PMM2: variants seen among roughly 807,000 people sequenced by gnomAD.
The protein encoded by PMM2 is mannose-6-phosphate isomerase.
In PMM2, 35 loss-of-function variants were observed where a neutral mutation model predicts 33.2. That is an observed-to-expected ratio of 1.06 (90% CI 0.81 to 1.40). The LOEUF is 1.40. Ranked by LOEUF, PMM2 falls within the 40% of genes most tolerant of loss-of-function variation. The pLI is 0.00. For missense variants in PMM2, 386 were observed against 306.0 expected, an observed-to-expected ratio of 1.26 and a Z score of -1.95; for synonymous variants, 153 against 114.7, an observed-to-expected ratio of 1.33 and a Z score of -2.13.
intron 7 of PMM2, chr16:8,833,075 G>A (rs113888412): frequency 0.28 from 58,877 of 212,482 alleles, 8,548 homozygotes; most frequent in African/African-American, 0.34. Flanking sequence ...ACCACCAAAC[G>A]GGCTTTGTGT....
chr16:8,848,821 C>T lies in PMM2; in HGVS notation c.*996C>T, dbSNP rs549926423. On this transcript the variant is annotated 3_prime_UTR_variant, in exon 8 of 8. Transcript: ENST00000268261. ...ACCCAGGCCTTCACCCAGACTTTAC[C>T]ACGGAGGCGGCTGAGTGCAGCTACA... The T allele has an allele frequency of 6.6e-6, 1 of 152,384 alleles. No individual in the cohort carries two copies. The highest frequency in any genetic ancestry group is 1.9e-4 in the East Asian group (1 of 5,192). 9.4% of individuals were successfully genotyped at this position (152,384 alleles called of 1,614,324 possible).
chr16:8,819,227 C>G (rs902010396), intron 7 of PMM2, among the ~76,000 whole-genome samples: 27 of 152,232 alleles, frequency 1.8e-4, no homozygotes, highest in Admixed American at 3.3e-4. Flanking sequence ...TGGTCTGTCT[C>G]TGCACTGGGA....
intron 1 of PMM2, 71 bp from the exon 2 acceptor site, chr16:8,801,728 T>C: frequency 1.0e-6 from 1 of 969,632 alleles, no homozygotes; most frequent in Non-Finnish European, 1.6e-6. Context: ...GTACTTGTGT[T>C]ACCCTTAGAG....
chr16:8,847,064 G>T (rs999871687), intron 7 of PMM2, among the ~76,000 whole-genome samples: 1 of 152,088 alleles, frequency 6.6e-6, no homozygotes, highest in African/African-American at 2.4e-5. Context: ...GAGTTTTGCT[G>T]TGTTAGCCAG....
chr16:8,843,806 G>A (rs1228817247), intron 7 of PMM2, among the ~76,000 whole-genome samples: 3 of 152,182 alleles, frequency 2.0e-5, no homozygotes, highest in African/African-American at 7.2e-5. Flanking sequence ...GAATAAGACG[G>A]CCTTTTGACC....
chr16:8,834,949 C>G (rs993872874), intron 7 of PMM2, among the ~76,000 whole-genome samples: 1 of 151,962 alleles, frequency 6.6e-6, no homozygotes, highest in African/African-American at 2.4e-5. Context: ...AATTGTGGGA[C>G]TTAACAAAGA....
At chr16:8,839,019 G>T (rs2060871901) in intron 7 of PMM2, among the ~76,000 whole-genome samples, 1 of 151,992 alleles carries the variant, frequency 6.6e-6, no homozygotes, top group Non-Finnish European at 1.5e-5. Flanking sequence ...TGTCTGTGAT[G>T]CTAGCAGAGA....
intron 7 of PMM2, among the ~76,000 whole-genome samples, chr16:8,835,780 G>C (rs944813147): frequency 7.2e-5 from 11 of 151,896 alleles, no homozygotes; most frequent in African/African-American, 2.4e-4. Context: ...ACATTGAGTG[G>C]GGTAAGGGTG....
At chr16:8,814,230 G>C (rs776945381) in intron 7 of PMM2, among the ~76,000 whole-genome samples, 1 of 151,964 alleles carries the variant, frequency 6.6e-6, no homozygotes, top group Non-Finnish European at 1.5e-5. Flanking sequence ...CTGCCTCAGC[G>C]ATCCACCCAC....
intron 4 of PMM2, chr16:8,806,867 G>A (rs985115075): frequency 1.7e-5 from 3 of 180,790 alleles, no homozygotes; most frequent in Non-Finnish European, 3.5e-5. Flanking sequence ...ACCCTAGATC[G>A]GGAAGTCTGA....
At chr16:8,830,344 G>A (rs2060802578) in intron 7 of PMM2, among the ~76,000 whole-genome samples, 1 of 152,198 alleles carries the variant, frequency 6.6e-6, no homozygotes, top group South Asian at 2.1e-4. Flanking sequence ...ATCAAGACAG[G>A]AGAATTGCAA....
At chr16:8,809,814 G>T (rs1275073330) in intron 4 of PMM2, 3 of 151,960 alleles carry the variant, frequency 2.0e-5, no homozygotes, top group South Asian at 2.1e-4. Flanking sequence ...TTTTTTGTTT[G>T]TTCGTTTGTT....
intron 7 of PMM2, among the ~76,000 whole-genome samples, chr16:8,818,921 A>G (rs912608845): frequency 1.0e-4 from 15 of 150,448 alleles, no homozygotes; most frequent in Admixed American, 8.5e-4. Context: ...ATGGCTCTGC[A>G]TGGCTTTCCA....
At chr16:8,831,614 C>G (rs547594248) in intron 7 of PMM2, among the ~76,000 whole-genome samples, 2 of 152,256 alleles carry the variant, frequency 1.3e-5, no homozygotes, top group Non-Finnish European at 2.9e-5. Flanking sequence ...CACACACCCA[C>G]TGCTACCAGC....
chr16:8,815,251 G>C (rs1048167354), intron 7 of PMM2, among the ~76,000 whole-genome samples: 1 of 138,050 alleles, frequency 7.2e-6, no homozygotes, highest in Non-Finnish European at 1.5e-5. Context: ...GCAGAATCTC[G>C]CTCTGTCGCC....
In PMM2 at chr16:8,804,847, G is replaced by C. The variant is rs2060637944; in HGVS notation, c.255+4G>C. 1 of 1,583,452 alleles carries C rather than the reference G, an allele frequency of 6.3e-7. No individual in the cohort carries two copies. The highest frequency in any genetic ancestry group is 1.3e-5 in the African/African-American group (1 of 74,264). On this transcript the variant is annotated splice_donor_region_variant and intron_variant, in intron 3 of 7. Transcript: ENST00000268261. ...TGGGAAACTCTTGTGTAGACAGGTA[G>C]GTTCTTGAGTATCTGAATTACTATA...
chr16:8,838,252 G>A (rs1005562720), intron 7 of PMM2, among the ~76,000 whole-genome samples: 1 of 152,024 alleles, frequency 6.6e-6, no homozygotes, highest in South Asian at 2.1e-4. Context: ...CAGTTCGGGT[G>A]GGGCAGAAAC....
In PMM2 at chr16:8,813,857, C is replaced by CTTT. The variant is rs148507269; in HGVS notation, c.639+774_639+776dup. ...CTTTGGGCCAGCTCCTTTTCTTTCTCTTTTTTTTTTTTTTTTTTTTTTTTT... is the reference window on the plus strand; with the variant it reads ...CTTTGGGCCAGCTCCTTTTCTTTCTCTTTTTTTTTTTTTTTTTTTTTTTTTTTT... On this transcript the variant is annotated intron_variant, in intron 7 of 7. Transcript: ENST00000268261. Among the ~76,000 whole-genome samples the CTTT allele has an allele frequency of 4.4e-3, 394 of 89,118 alleles. 8 individuals carry two copies. The highest frequency in any genetic ancestry group is 0.016 in the African/African-American group (375 of 23,200). The allele number at this position is 89,118 out of a possible 152,430, so 58.5% of individuals were successfully genotyped here. A position where few individuals can be genotyped will look rare whatever the true frequency, so the allele number is the denominator to read the frequency against.
At chr16:8,842,865 GT>G (rs1252389902) in intron 7 of PMM2, among the ~76,000 whole-genome samples, 1 of 152,004 alleles carries the variant, frequency 6.6e-6, no homozygotes, top group African/African-American at 2.4e-5. Flanking sequence ...GGGTGATTAG[GT>G]TTTAATGGGA....
Sources: gnomAD v4.1 joint callset for allele counts (sites outside exome capture counted in the v4.1 genomes callset) on GRCh38, gnomAD v4.1.1 for gene constraint, MANE v1.5 for transcripts, NCBI Gene and HGNC (gene_info 2026-07-23, HGNC 2026-07-21) for gene names.